ANKIB1: variants seen among roughly 807,000 people sequenced by gnomAD.
The protein encoded by ANKIB1 is ankyrin repeat and IBR domain containing 1, also known as ankyrin repeat and IBR domain-containing protein 1.
In ANKIB1, 43 loss-of-function variants were observed where a neutral mutation model predicts 122.1. The observed-to-expected ratio is 0.35, with a 90% confidence interval of 0.28 to 0.45. The LOEUF is 0.45. Among genes scored for constraint, ANKIB1 ranks in the 20% least tolerant of loss-of-function variants. ANKIB1 has a pLI of 1.00. For synonymous variants in ANKIB1, 390 were observed against 442.0 expected (o/e 0.88, Z 1.48); for missense variants, 992 against 1,329.5 (o/e 0.75, Z 3.95).
intron 2 of ANKIB1, among the ~76,000 whole-genome samples, chr7:92,297,888 G>T (rs1447105997): frequency 6.6e-6 from 1 of 152,064 alleles, no homozygotes; most frequent in African/African-American, 2.4e-5. Flanking sequence ...CAAACTGGTT[G>T]ATTGACTTCC....
intron 4 of ANKIB1, among the ~76,000 whole-genome samples, chr7:92,321,965 C>T (rs970802689): frequency 6.6e-6 from 1 of 152,134 alleles, no homozygotes. Flanking sequence ...TGCTCTCCTC[C>T]CCACCTTTTT....
rs1270193184 is a variant in ANKIB1 at position 92,400,072 on chromosome 7, T to G, written c.*1123T>G. 6.6e-6 allele frequency: 1 copy of G among 152,202 alleles called. No individual in the cohort carries two copies. Among genetic ancestry groups the G allele is most frequent in the African/African-American group, 2.4e-5 (1 of 41,450 alleles). 9.4% of individuals were successfully genotyped at this position (152,202 alleles called of 1,614,324 possible). A position where few individuals can be genotyped will look rare whatever the true frequency, so the allele number is the denominator to read the frequency against. On this transcript the variant is annotated 3_prime_UTR_variant, in exon 20 of 20. Coordinates refer to ENST00000265742, the MANE Select transcript of ANKIB1 (RefSeq NM_019004.2). ...AGTTAAATAAGTGAGTAATTCAAAT[T>G]TCAATGTCTCTTCTGAAGTAACTAT...
At chr7:92,356,994 A>C (rs1177223041) in intron 9 of ANKIB1, among the ~76,000 whole-genome samples, 5 of 152,360 alleles carry the variant, frequency 3.3e-5, no homozygotes, top group Admixed American at 6.5e-5. Context: ...AAAAAGTTCT[A>C]AAATGGCATT....
intron 1 of ANKIB1, among the ~76,000 whole-genome samples, chr7:92,289,896 A>T (rs1009126779): frequency 2.9e-4 from 44 of 152,152 alleles, no homozygotes; most frequent in African/African-American, 9.9e-4. Flanking sequence ...GGCTCACTGC[A>T]ACTTCCACCT....
intron 4 of ANKIB1, chr7:92,325,979 C>T: frequency 2.2e-6 from 1 of 445,778 alleles, no homozygotes; most frequent in Non-Finnish European, 4.5e-6. Context: ...AAAATGGAAG[C>T]AGTTTATCTT....
chr7:92,397,521 G>A (rs1804925698), intron 18 of ANKIB1, among the ~76,000 whole-genome samples: 1 of 151,618 alleles, frequency 6.6e-6, no homozygotes, highest in South Asian at 2.1e-4. Context: ...CGGATTTGAA[G>A]TGATAGTATC....
At chr7:92,312,002 C>T (rs1802700530) in intron 3 of ANKIB1, among the ~76,000 whole-genome samples, 1 of 152,248 alleles carries the variant, frequency 6.6e-6, no homozygotes, top group East Asian at 1.9e-4. Context: ...ATTCTTGACT[C>T]TAGATTCTAT....
chr7:92,350,098 A>T (rs1055376353), intron 7 of ANKIB1, among the ~76,000 whole-genome samples: 11 of 151,860 alleles, frequency 7.2e-5, no homozygotes, highest in Admixed American at 3.3e-4. Flanking sequence ...TTTACAGGGC[A>T]TTTTTTCCTC....
intron 1 of ANKIB1, among the ~76,000 whole-genome samples, chr7:92,273,164 T>G (rs1306671565): frequency 6.6e-6 from 1 of 152,180 alleles, no homozygotes; most frequent in East Asian, 1.9e-4. Context: ...AATTTATGTA[T>G]TAGTTAGAAT....
intron 1 of ANKIB1, among the ~76,000 whole-genome samples, chr7:92,251,339 C>T (rs1045395791): frequency 2.0e-5 from 3 of 152,152 alleles, no homozygotes; most frequent in Non-Finnish European, 4.4e-5. Flanking sequence ...CATTGCCCTT[C>T]TTGTTAATGC....
At chr7:92,377,686 A>G (rs531000896) in intron 11 of ANKIB1, among the ~76,000 whole-genome samples, 52 of 152,302 alleles carry the variant, frequency 3.4e-4, no homozygotes, top group South Asian at 2.3e-3. Context: ...ACTTCATTCA[A>G]CTCTTCCAGA....
chr7:92,330,669 C>T (rs1242349582), intron 5 of ANKIB1, among the ~76,000 whole-genome samples: 14 of 151,860 alleles, frequency 9.2e-5, no homozygotes, highest in African/African-American at 1.9e-4. Flanking sequence ...GCTGAAACCC[C>T]GTCTCTACTA....
chr7:92,387,293 T>G (rs955350622), intron 12 of ANKIB1, among the ~76,000 whole-genome samples: 2 of 152,090 alleles, frequency 1.3e-5, no homozygotes, highest in African/African-American at 2.4e-5. Flanking sequence ...AAAATATTAA[T>G]TTTAGGGGGA....
intron 11 of ANKIB1, among the ~76,000 whole-genome samples, chr7:92,376,775 T>C (rs1220252835): frequency 6.6e-6 from 1 of 152,116 alleles, no homozygotes; most frequent in African/African-American, 2.4e-5. Flanking sequence ...ATTATGAAGA[T>C]GGCATCTTTC....
At chr7:92,340,625 A>C (rs1803417597) in intron 5 of ANKIB1, among the ~76,000 whole-genome samples, 1 of 152,248 alleles carries the variant, frequency 6.6e-6, no homozygotes, top group Non-Finnish European at 1.5e-5. Flanking sequence ...AAGACAAGAA[A>C]GCTAAAGAAG....
intron 9 of ANKIB1, among the ~76,000 whole-genome samples, chr7:92,360,752 TTAA>T (rs1249999198): frequency 6.6e-6 from 1 of 152,246 alleles, no homozygotes; most frequent in Admixed American, 6.5e-5. Flanking sequence ...TTTATGTTTT[TTAA>T]TAATCACCAT....
intron 1 of ANKIB1, among the ~76,000 whole-genome samples, chr7:92,270,791 C>T (rs999374850): frequency 6.8e-6 from 1 of 147,230 alleles, no homozygotes; most frequent in Non-Finnish European, 1.5e-5. Flanking sequence ...GTATATAGCC[C>T]TTTGAGACTT....
At chr7:92,285,201 G>T (rs1428456242) in intron 1 of ANKIB1, among the ~76,000 whole-genome samples, 1 of 152,086 alleles carries the variant, frequency 6.6e-6, no homozygotes, top group African/African-American at 2.4e-5. Flanking sequence ...ATTTTTAGTA[G>T]ATGGGGTTTC....
At chr7:92,384,916 T>C (rs953006245) in intron 11 of ANKIB1, among the ~76,000 whole-genome samples, 23 of 152,156 alleles carry the variant, frequency 1.5e-4, no homozygotes, top group East Asian at 3.9e-4. Flanking sequence ...AGTTTCTGCA[T>C]AGCAAAAGAA....
Sources: gnomAD v4.1 joint callset for allele counts (sites outside exome capture counted in the v4.1 genomes callset) on GRCh38, gnomAD v4.1.1 for gene constraint, MANE v1.5 for transcripts, NCBI Gene and HGNC (gene_info 2026-07-23, HGNC 2026-07-21) for gene names.